PALS1: variants seen among roughly 807,000 people sequenced by gnomAD.
PALS1 encodes protein associated with LIN7 1, MAGUK p55 family member, also known as protein PALS1.
PALS1 carries 31 observed loss-of-function variants against 78.9 expected under a neutral mutation model. The ratio of observed to expected loss-of-function variants is 0.39; its 90% CI spans 0.30 to 0.53. The LOEUF is 0.53. Among genes scored for constraint, PALS1 ranks in the 20% least tolerant of loss-of-function variants. The pLI, the probability that PALS1 is intolerant of heterozygous loss-of-function variation, is 0.67. For missense variants in PALS1, 704 were observed against 826.5 expected (o/e 0.85, Z 1.82); for synonymous variants, 276 against 270.9 (o/e 1.02, Z -0.18).
chr14:67,309,154 G>A (rs1348072954), intron 8 of PALS1, among the ~76,000 whole-genome samples: 1 of 152,150 alleles, frequency 6.6e-6, no homozygotes, highest in Non-Finnish European at 1.5e-5. Flanking sequence ...ATAGCATTAT[G>A]AGGCCCTGGA....
intron 2 of PALS1, among the ~76,000 whole-genome samples, chr14:67,275,498 G>A (rs1026390952): frequency 1.8e-4 from 27 of 152,250 alleles, no homozygotes; most frequent in African/African-American, 6.3e-4. Context: ...TAAGCTTTTC[G>A]ATGTGCTGCT....
At chr14:67,282,006 T>G (rs1436109162) in intron 3 of PALS1, among the ~76,000 whole-genome samples, 1 of 152,172 alleles carries the variant, frequency 6.6e-6, no homozygotes, top group Non-Finnish European at 1.5e-5. Flanking sequence ...AACAGGTATT[T>G]GTAATTCATT....
chr14:67,272,905 G>A (rs2084430638), intron 2 of PALS1, among the ~76,000 whole-genome samples: 1 of 152,090 alleles, frequency 6.6e-6, no homozygotes, highest in Non-Finnish European at 1.5e-5. Context: ...CTAGTCTTAA[G>A]TGATCCACAG....
chr14:67,331,324 C>T lies in PALS1; in HGVS notation c.1852-1456C>T, dbSNP rs545591917. Among the ~76,000 whole-genome samples, 21 of 152,272 alleles carry T rather than the reference C, an allele frequency of 1.4e-4. No individual in the cohort carries two copies. The East Asian group carries it at 2.7e-3, about 20-fold the overall frequency. ...CCTCCCAAAGTGCTGAGATTACAGG[C>T]GGGGGAGCCCCTGCGCTGGTATTGG... is the stretch of plus-strand genomic sequence containing the variant. On this transcript the variant is annotated intron_variant, in intron 14 of 14. Coordinates refer to ENST00000261681, the MANE Select transcript of PALS1 (RefSeq NM_022474.4).
chr14:67,302,896 G>A (rs929773574), intron 7 of PALS1, among the ~76,000 whole-genome samples: 57 of 152,112 alleles, frequency 3.7e-4, no homozygotes, highest in African/African-American at 1.3e-3. Flanking sequence ...AACAAAGTCT[G>A]TGTCCTGATG....
At chr14:67,307,318 G>A (rs1301323935) in intron 8 of PALS1, among the ~76,000 whole-genome samples, 1 of 152,154 alleles carries the variant, frequency 6.6e-6, no homozygotes, top group Non-Finnish European at 1.5e-5. Context: ...ATAATAATAT[G>A]TAGGGAGGGC....
At chr14:67,278,104 T>A (rs932374660) in intron 2 of PALS1, among the ~76,000 whole-genome samples, 3 of 151,628 alleles carry the variant, frequency 2.0e-5, no homozygotes, top group Non-Finnish European at 4.4e-5. Flanking sequence ...TGGTGTGATC[T>A]CAGCTCACTG....
Position 67,260,876 on chromosome 14 carries a change from G to A in PALS1, c.-236-8825G>A, listed in dbSNP as rs576516690. 5.3e-5 allele frequency among the ~76,000 whole-genome samples: 8 copies of A among 152,230 alleles called. No individual in the cohort carries two copies. In the South Asian group the frequency reaches 1.7e-3, roughly 32 times the overall value. ...AGCAAGTAGTTTGATTCAGAAGACA[G>A]GGGAGGGAGAAAGAAAATGGAAAAA... On this transcript the variant is annotated intron_variant, in intron 1 of 14. Coordinates refer to ENST00000261681, the MANE Select transcript of PALS1 (RefSeq NM_022474.4).
rs541930882 is a variant in PALS1, at chr14:67,279,066, GT to G, written c.-94del. The G allele has an allele frequency of 0.044, 39,555 of 902,748 alleles. 239 individuals are homozygous for G. The highest frequency in any genetic ancestry group is 0.049 in the Non-Finnish European group (32,697 of 660,814). 55.9% of individuals were successfully genotyped at this position (902,748 alleles called of 1,614,324 possible). ...ATAGCATTATTATGTGATGTGAGAA[GT>G]TTTTTTTTTTGAAGTAACATGGATT... On this transcript the variant is annotated 5_prime_UTR_variant, in exon 3 of 15. Transcript: ENST00000261681.
chr14:67,252,623 G>A (rs1473755600), intron 1 of PALS1, among the ~76,000 whole-genome samples: 1 of 152,198 alleles, frequency 6.6e-6, no homozygotes, highest in East Asian at 1.9e-4. Context: ...CAGGTAGATA[G>A]TGTCAGAATG....
intron 4 of PALS1, among the ~76,000 whole-genome samples, chr14:67,293,931 A>G (rs2084808231): frequency 6.6e-6 from 1 of 152,220 alleles, no homozygotes; most frequent in Non-Finnish European, 1.5e-5. Context: ...GCTCCAATTG[A>G]AAAAAGCTGA....
intron 2 of PALS1, among the ~76,000 whole-genome samples, chr14:67,275,182 A>C (rs1401885349): frequency 1.3e-5 from 2 of 152,206 alleles, no homozygotes; most frequent in Admixed American, 6.5e-5. Flanking sequence ...GAGAGAGGGC[A>C]TTCCTGTCTT....
intron 1 of PALS1, among the ~76,000 whole-genome samples, chr14:67,264,913 A>C (rs2084296600): frequency 1.3e-5 from 2 of 152,196 alleles, no homozygotes; most frequent in Admixed American, 1.3e-4. Flanking sequence ...ATTGATATCC[A>C]ACAGAATTGT....
At chr14:67,260,438 G>A (rs554562490) in intron 1 of PALS1, among the ~76,000 whole-genome samples, 91 of 152,230 alleles carry the variant, frequency 6.0e-4, no homozygotes, top group South Asian at 2.1e-4. Context: ...TATATGTTAC[G>A]AACTCATCAA....
chr14:67,312,391 A>G, intron 8 of PALS1, 136 bp from the exon 9 acceptor site: 1 of 562,442 alleles, frequency 1.8e-6, no homozygotes, highest in African/African-American at 1.9e-5. Context: ...TATCCTGGAC[A>G]ACATACTGAG....
At chr14:67,268,260 G>A (rs1466987395) in intron 1 of PALS1, among the ~76,000 whole-genome samples, 1 of 152,116 alleles carries the variant, frequency 6.6e-6, no homozygotes, top group African/African-American at 2.4e-5. Context: ...TTTCTTGTTT[G>A]TAGTGTTATT....
intron 1 of PALS1, among the ~76,000 whole-genome samples, chr14:67,246,689 T>A (rs1013790574): frequency 7.3e-6 from 1 of 137,224 alleles, no homozygotes; most frequent in African/African-American, 2.7e-5. Flanking sequence ...TCTTGCTCTC[T>A]CGCCAGGCTG....
chr14:67,273,602 T>C (rs1161186762), intron 2 of PALS1, among the ~76,000 whole-genome samples: 1 of 152,220 alleles, frequency 6.6e-6, no homozygotes, highest in African/African-American at 2.4e-5. Context: ...TGTGTCTTTA[T>C]AGCAGCATGA....
intron 1 of PALS1, among the ~76,000 whole-genome samples, chr14:67,256,888 C>T (rs2084153321): frequency 6.6e-6 from 1 of 151,712 alleles, no homozygotes; most frequent in Non-Finnish European, 1.5e-5. Flanking sequence ...ATTCTTTTTA[C>T]CAAAGAATGT....
Sources: allele counts gnomAD v4.1 joint callset (sites outside exome capture counted in the v4.1 genomes callset), GRCh38; gene constraint gnomAD v4.1.1; transcripts MANE v1.5; gene names NCBI Gene and HGNC (gene_info 2026-07-23, HGNC 2026-07-21).